ADAMTSL1: variants seen among roughly 807,000 people sequenced by gnomAD.
The protein encoded by ADAMTSL1 is ADAMTS like 1.
Under a neutral mutation model 201.8 loss-of-function variants are expected in ADAMTSL1, and 126 were observed. The ratio of observed to expected loss-of-function variants is 0.62; its 90% CI spans 0.54 to 0.72. The LOEUF is 0.72. ADAMTSL1 is among the 30% of genes least tolerant of loss of function. The pLI, the probability that ADAMTSL1 is intolerant of heterozygous loss-of-function variation, is 0.00. For missense variants in ADAMTSL1, 2,679 were observed against 2,277.8 expected, an observed-to-expected ratio of 1.18 and a Z score of -3.59; for synonymous variants, 1,121 against 903.4, an observed-to-expected ratio of 1.24 and a Z score of -4.32.
At chr9:18,801,718 A>G (rs1359193446) in intron 20 of ADAMTSL1, among the ~76,000 whole-genome samples, 1 of 152,144 alleles carries the variant, frequency 6.6e-6, no homozygotes, top group Non-Finnish European at 1.5e-5. Context: ...TTATGGCTGC[A>G]TAGTATTCCA....
chr9:18,386,680 G>T (rs1453096628), intron 2 of ADAMTSL1, among the ~76,000 whole-genome samples: 1 of 151,982 alleles, frequency 6.6e-6, no homozygotes, highest in African/African-American at 2.4e-5. Context: ...TCTTCACTTT[G>T]TGACATTTTA....
chr9:18,231,684 C>T (rs1830651469), intron 2 of ADAMTSL1, among the ~76,000 whole-genome samples: 1 of 152,218 alleles, frequency 6.6e-6, no homozygotes, highest in Non-Finnish European at 1.5e-5. Flanking sequence ...GAATATCCAA[C>T]TGTGATAGCT....
intron 2 of ADAMTSL1, among the ~76,000 whole-genome samples, chr9:18,313,897 A>G (rs866852629): frequency 2.0e-5 from 3 of 152,210 alleles, no homozygotes; most frequent in Non-Finnish European, 4.4e-5. Flanking sequence ...AAGGCAACCT[A>G]TAGAATGGGA....
chr9:18,786,689 A>G (rs1006970984), intron 19 of ADAMTSL1, among the ~76,000 whole-genome samples: 6 of 152,316 alleles, frequency 3.9e-5, no homozygotes, highest in South Asian at 4.1e-4. Context: ...TTATTTGAGG[A>G]ACATCTAGGT....
At chr9:18,558,820 T>C (rs1272977368) in intron 3 of ADAMTSL1, among the ~76,000 whole-genome samples, 1 of 152,226 alleles carries the variant, frequency 6.6e-6, no homozygotes, top group Non-Finnish European at 1.5e-5. Context: ...TTTTGAGAAA[T>C]GTCTGTTCAT....
At position 18,685,463 on chromosome 9, in the gene ADAMTSL1, G is replaced by C. The variant is rs535761254; in HGVS notation, c.1574+663G>C. Among the ~76,000 whole-genome samples the C allele has an allele frequency of 7.2e-5, 11 of 152,282 alleles. No individual in the cohort carries two copies. The East Asian group carries it at 2.1e-3, about 29-fold the overall frequency. ...TTGATTTCATTAGAAAACACTGATAGGCATAGCTGCTACATCACTTTTACA... is the reference window on the plus strand; with the variant it reads ...TTGATTTCATTAGAAAACACTGATACGCATAGCTGCTACATCACTTTTACA... On this transcript the variant is annotated intron_variant, in intron 13 of 28. Transcript: ENST00000380548.
rs80128384 is a variant in ADAMTSL1 at position 18,906,643 on chromosome 9, T to C, written c.4962-49T>C. On this transcript the variant is annotated intron_variant, in intron 27 of 28. Coordinates refer to ENST00000380548, the MANE Select transcript of ADAMTSL1 (RefSeq NM_001040272.6). ...AGCACTATTTTCACATCTGCCCTGATTCAGCCCCCACAGAAGCAAACCTTA... is the reference window on the plus strand; with the variant it reads ...AGCACTATTTTCACATCTGCCCTGACTCAGCCCCCACAGAAGCAAACCTTA... 2,770 of 1,446,894 alleles carry C rather than the reference T, an allele frequency of 1.9e-3. 52 individuals carry two copies. In the African/African-American group the frequency reaches 0.035, roughly 18 times the overall value. 89.6% of individuals were successfully genotyped at this position (1,446,894 alleles called of 1,614,324 possible).
intron 1 of ADAMTSL1, among the ~76,000 whole-genome samples, chr9:17,959,296 T>G (rs1817628597): frequency 6.6e-6 from 1 of 152,172 alleles, no homozygotes; most frequent in Non-Finnish European, 1.5e-5. Flanking sequence ...TCTCGTCTTC[T>G]TTTGCATTAG....
chr9:18,336,121 T>G (rs1054043984), intron 2 of ADAMTSL1, among the ~76,000 whole-genome samples: 1 of 152,164 alleles, frequency 6.6e-6, no homozygotes, highest in Non-Finnish European at 1.5e-5. Flanking sequence ...CCAAAACTTA[T>G]GCCATTGAGT....
intron 1 of ADAMTSL1, among the ~76,000 whole-genome samples, chr9:18,117,352 G>A (rs1338045776): frequency 2.0e-5 from 3 of 152,034 alleles, no homozygotes; most frequent in East Asian, 1.9e-4. Flanking sequence ...CTCTCCTACC[G>A]CCTTCACCCT....
At chr9:18,463,584 C>T (rs1820889531) in intron 2 of ADAMTSL1, among the ~76,000 whole-genome samples, 1 of 152,170 alleles carries the variant, frequency 6.6e-6, no homozygotes, top group South Asian at 2.1e-4. Context: ...CACCATTCTA[C>T]TCCCTGTCTC....
Position 18,776,851 on chromosome 9 carries a change from C to A in ADAMTSL1, c.2622C>A (p.Arg874=), listed in dbSNP as rs753572497. 1.2e-6 allele frequency: 2 copies of A among 1,605,676 alleles called. No homozygotes were observed. Among genetic ancestry groups the A allele is most frequent in the Non-Finnish European group, 1.7e-6 (2 of 1,176,684 alleles). ...CCAGGAAGGTCTACATACAGACTCG[C>A]AGGCAGAGGAAGCTGCACTTCGTGG... ...AAARKVYIQT[R]RQRKLHFVVG... is the part of the protein sequence containing the mutation. Residue 874 remains arginine (R), a synonymous_variant, in exon 19 of 29, where the codon CGC becomes CGA. Coordinates refer to ENST00000380548, the MANE Select transcript of ADAMTSL1 (RefSeq NM_001040272.6).
rs112225335 is a variant in ADAMTSL1 at position 18,730,403 on chromosome 9, G to A, written c.2006+8738G>A. Among the ~76,000 whole-genome samples, 1,163 of 152,316 alleles carry A rather than the reference G, an allele frequency of 7.6e-3. 14 individuals carry two copies. Among genetic ancestry groups the A allele is most frequent in the African/African-American group, 0.027 (1,102 of 41,572 alleles). ...CAGTAATCTGGCCGATACAGTTCAGGAACAGTTCATACTTGTGAAAATATT... is the reference window on the plus strand; with the variant it reads ...CAGTAATCTGGCCGATACAGTTCAGAAACAGTTCATACTTGTGAAAATATT... On this transcript the variant is annotated intron_variant, in intron 15 of 28. Coordinates refer to ENST00000380548, the MANE Select transcript of ADAMTSL1 (RefSeq NM_001040272.6).
intron 23 of ADAMTSL1, among the ~76,000 whole-genome samples, chr9:18,852,962 A>G (rs541918590): frequency 4.4e-4 from 67 of 152,294 alleles, no homozygotes; most frequent in African/African-American, 1.5e-3. Flanking sequence ...ATTCTGGACC[A>G]CTTGTGAAGC....
chr9:18,557,879 A>G (rs1001880242), intron 3 of ADAMTSL1, among the ~76,000 whole-genome samples: 16 of 152,042 alleles, frequency 1.1e-4, no homozygotes, highest in African/African-American at 3.6e-4. Flanking sequence ...ATTGTAGATT[A>G]AACAGATTTT....
At chr9:17,971,397 T>C (rs998278466) in intron 1 of ADAMTSL1, among the ~76,000 whole-genome samples, 5 of 152,044 alleles carry the variant, frequency 3.3e-5, no homozygotes, top group African/African-American at 9.7e-5. Context: ...TCCAAGTGCC[T>C]AAAAACTATC....
intron 13 of ADAMTSL1, among the ~76,000 whole-genome samples, chr9:18,690,418 A>T (rs2133236860): frequency 6.6e-6 from 1 of 152,300 alleles, no homozygotes; most frequent in South Asian, 2.1e-4. Context: ...ACCAAACATC[A>T]TTTATGGGTC....
intron 1 of ADAMTSL1, among the ~76,000 whole-genome samples, chr9:18,057,070 G>A (rs1015404586): frequency 5.3e-5 from 8 of 152,238 alleles, no homozygotes; most frequent in Non-Finnish European, 7.4e-5. Flanking sequence ...TAGGCTTTAC[G>A]TTGTCCTGGT....
chr9:18,606,337 G>A (rs1268054975), intron 4 of ADAMTSL1, among the ~76,000 whole-genome samples: 1 of 152,140 alleles, frequency 6.6e-6, no homozygotes, highest in Non-Finnish European at 1.5e-5. Context: ...TGCCCTTTGG[G>A]AATATCTTTG....
Sources: gnomAD v4.1 joint callset for allele counts (sites outside exome capture counted in the v4.1 genomes callset) on GRCh38, gnomAD v4.1.1 for gene constraint, MANE v1.5 for transcripts, NCBI Gene and HGNC (gene_info 2026-07-23, HGNC 2026-07-21) for gene names.